Variants in THBS4 observed in about 807,000 individuals in gnomAD.
THBS4 encodes thrombospondin-4.
A neutral mutation model predicts 115.7 loss-of-function variants in THBS4; 90 were observed. The ratio of observed to expected loss-of-function variants is 0.78; its 90% CI spans 0.66 to 0.93. The LOEUF (loss-of-function observed/expected upper bound fraction) is 0.93. Among genes scored for constraint, THBS4 ranks in the 40% least tolerant of loss-of-function variants. The pLI is 0.00. For synonymous variants in THBS4, 460 were observed against 479.3 expected (o/e 0.96, Z 0.53); for missense variants, 1,087 against 1,232.7 (o/e 0.88, Z 1.77).
chr5:80,061,687 G>T lies in THBS4; in HGVS notation c.988-8G>T, dbSNP rs1347354748. On this transcript the variant is annotated splice_region_variant and splice_polypyrimidine_tract_variant and intron_variant, in intron 7 of 21. Transcript: ENST00000350881. Reference sequence around the variant, plus strand: ...GTGGCTAAAGACTTTGAACTTTTTTGTCTCCAGTGCAAATACCATCCCTGC... The same window carrying T: ...GTGGCTAAAGACTTTGAACTTTTTTTTCTCCAGTGCAAATACCATCCCTGC... 1 of 1,594,118 alleles carries T rather than the reference G, an allele frequency of 6.3e-7. No homozygotes were observed.
intron 2 of THBS4, among the ~76,000 whole-genome samples, chr5:80,049,387 A>G (rs192235168): frequency 1.2e-3 from 181 of 152,264 alleles, no homozygotes; most frequent in African/African-American, 4.2e-3. Flanking sequence ...AGCTGGGGTT[A>G]CAGGCAGGCG....
At chr5:80,072,639 T>C in intron 14 of THBS4, 1 of 493,574 alleles carries the variant, frequency 2.0e-6, no homozygotes, top group South Asian at 3.1e-5. Context: ...AACACGAACT[T>C]CATGATGCTC....
Position 80,061,733 on chromosome 5 carries a change from A to G in THBS4, c.1026A>G (p.Ile342Met), listed in dbSNP as rs766452699. Residue 342 changes from isoleucine (I) to methionine (M), a missense_variant, in exon 8 of 22, where the codon ATA becomes ATG. Transcript: ENST00000350881. ...YHPCYPGVHCINLSPGFRCDA... is the reference protein window; with the variant it reads ...YHPCYPGVHCMNLSPGFRCDA... ...CCTGCTACCCGGGCGTGCACTGCAT[A>G]AATTTGTCTCCTGGCTTCAGATGTG... 10 of 1,614,142 alleles carry G rather than the reference A, an allele frequency of 6.2e-6. No individual in the cohort carries two copies. In the East Asian group the frequency reaches 2.2e-4, roughly 36 times the overall value.
intron 2 of THBS4, among the ~76,000 whole-genome samples, chr5:80,023,090 A>G (rs1193825200): frequency 6.6e-6 from 1 of 152,242 alleles, no homozygotes. Flanking sequence ...TGATTCTGCA[A>G]AAAACAAATC....
chr5:80,028,552 G>T (rs986635480), intron 2 of THBS4, among the ~76,000 whole-genome samples: 1 of 150,568 alleles, frequency 6.6e-6, no homozygotes, highest in Non-Finnish European at 1.5e-5. Context: ...TCCACCTCCC[G>T]AGTTCAAGCG....
chr5:80,029,638 CA>C (rs1832545818), intron 2 of THBS4, among the ~76,000 whole-genome samples: 1 of 152,006 alleles, frequency 6.6e-6, no homozygotes, highest in Admixed American at 6.6e-5. Context: ...ATTGCTAAAG[CA>C]AAATATCTTC....
chr5:80,039,998 ACC>A (rs546785395), intron 1 of THBS4, 77 bp from the exon 2 acceptor site: 1 of 1,194,056 alleles, frequency 8.4e-7, no homozygotes, highest in Non-Finnish European at 1.2e-6. Flanking sequence ...GTCAAATTGC[ACC>A]CCCCCCAAAC....
At chr5:80,012,428 G>A (rs1239480290) in intron 2 of THBS4, among the ~76,000 whole-genome samples, 1 of 152,184 alleles carries the variant, frequency 6.6e-6, no homozygotes, top group Non-Finnish European at 1.5e-5. Context: ...GAGAGGGTAT[G>A]TGGTGTGTAC....
chr5:80,009,557 C>T (rs1832081066), intron 2 of THBS4, among the ~76,000 whole-genome samples: 1 of 152,032 alleles, frequency 6.6e-6, no homozygotes, highest in Non-Finnish European at 1.5e-5. Context: ...GCATTCCTTC[C>T]TCCAAGGAAT....
rs1054018954 is a variant in THBS4 at position 80,065,480 on chromosome 5, A to G, written c.1194+3A>G. The G allele has an allele frequency of 3.7e-6, 6 of 1,612,646 alleles. No individual in the cohort carries two copies. Among genetic ancestry groups the G allele is most frequent in the Non-Finnish European group, 5.1e-6 (6 of 1,179,398 alleles). ...ACTCGATCTGCGTTAATACTTTGGT[A>G]AGTATTTCTCACAGCTGTTGTTATC... On this transcript the variant is annotated splice_donor_region_variant and intron_variant, in intron 9 of 21. Coordinates refer to ENST00000350881, the MANE Select transcript of THBS4 (RefSeq NM_003248.6).
chr5:80,030,866 G>C (rs1345637883), upstream of THBS4, among the ~76,000 whole-genome samples: 3 of 152,104 alleles, frequency 2.0e-5, no homozygotes, highest in Non-Finnish European at 4.4e-5. Context: ...AAAAATTCAA[G>C]TGGAAAACCT....
At chr5:80,062,193 T>C (rs1833659927) in intron 8 of THBS4, among the ~76,000 whole-genome samples, 1 of 152,234 alleles carries the variant, frequency 6.6e-6, no homozygotes, top group Non-Finnish European at 1.5e-5. Context: ...TAGGTCACTT[T>C]TGTAGAGTCA....
At chr5:80,059,573 G>A (rs897691348) in intron 6 of THBS4, 82 bp downstream of exon 6, 194 of 1,593,278 alleles carry the variant, frequency 1.2e-4, no homozygotes, top group Middle Eastern at 1.7e-4. Flanking sequence ...TGTGTTGACC[G>A]CAGTTTCTGA....
intron 15 of THBS4, chr5:80,075,381 C>CG (rs1222171236): frequency 1.3e-5 from 2 of 152,128 alleles, no homozygotes; most frequent in African/African-American, 4.8e-5. Context: ...GTAAAGCTCC[C>CG]GGCACAGTGC....
chr5:80,082,858 C>T (rs757547115), intron 21 of THBS4, among the ~76,000 whole-genome samples: 1 of 152,250 alleles, frequency 6.6e-6, no homozygotes, highest in Non-Finnish European at 1.5e-5. Context: ...ATGCAAAATC[C>T]ATTCTGCCTG....
intron 1 of THBS4, among the ~76,000 whole-genome samples, chr5:79,995,154 G>A (rs1831765735): frequency 6.6e-6 from 1 of 152,128 alleles, no homozygotes; most frequent in Non-Finnish European, 1.5e-5. Context: ...TGGAAGGCAT[G>A]GGAATTTATA....
intron 2 of THBS4, among the ~76,000 whole-genome samples, chr5:80,003,602 GA>G (rs1831954218): frequency 6.6e-6 from 1 of 151,806 alleles, no homozygotes; most frequent in Admixed American, 6.6e-5. Flanking sequence ...GTAGAAAAAA[GA>G]AAAAAAGAGC....
At chr5:80,069,887 G>A (rs193079216) in intron 10 of THBS4, among the ~76,000 whole-genome samples, 1 of 152,316 alleles carries the variant, frequency 6.6e-6, no homozygotes, top group Non-Finnish European at 1.5e-5. Context: ...GTGAGGCCAG[G>A]AAATTTAACC....
intron 20 of THBS4, 25 bp from the exon 21 acceptor site, chr5:80,082,381 G>A (rs761624942): frequency 1.1e-5 from 18 of 1,610,952 alleles, no homozygotes; most frequent in Non-Finnish European, 6.8e-6. Flanking sequence ...TTTCATGGAG[G>A]CCCCTCCGGC....
Sources: gnomAD v4.1 joint callset for allele counts (sites outside exome capture counted in the v4.1 genomes callset) on GRCh38, gnomAD v4.1.1 for gene constraint, MANE v1.5 for transcripts, NCBI Gene and HGNC (gene_info 2026-07-23, HGNC 2026-07-21) for gene names.